The following RBPMS variants were observed in gnomAD, a reference collection of about 807,000 sequenced individuals.
RBPMS encodes RNA-binding protein with multiple splicing.
RBPMS carries 7 observed loss-of-function variants against 26.8 expected under a neutral mutation model. The observed-to-expected ratio is 0.26, with a 90% CI of 0.15 to 0.49. The LOEUF is 0.49. Ranked by LOEUF, RBPMS falls within the 20% of genes least tolerant of loss-of-function variation. The pLI, the probability that RBPMS is intolerant of heterozygous loss-of-function variation, is 0.98. For synonymous variants in RBPMS, 96 were observed against 93.3 expected (o/e 1.03, Z -0.17); for missense variants, 186 against 250.0 (o/e 0.74, Z 1.73).
chr8:30,448,072 C>T (rs990472242), intron 1 of RBPMS, among the ~76,000 whole-genome samples: 2 of 152,272 alleles, frequency 1.3e-5, no homozygotes, highest in Non-Finnish European at 2.9e-5. Flanking sequence ...GACTCTGACA[C>T]GGAAAGCAAA....
intron 6 of RBPMS, chr8:30,545,188 A>G (rs1347094984): frequency 2.3e-6 from 3 of 1,294,972 alleles, no homozygotes; most frequent in Non-Finnish European, 3.0e-6. Context: ...AAGGAGATAC[A>G]AGATAGTGTC....
intron 1 of RBPMS, among the ~76,000 whole-genome samples, chr8:30,428,963 T>C (rs568753612): frequency 2.6e-5 from 4 of 152,262 alleles, no homozygotes; most frequent in Non-Finnish European, 5.9e-5. Flanking sequence ...TGGGAATCCA[T>C]GAGAAACAAT....
intron 1 of RBPMS, among the ~76,000 whole-genome samples, chr8:30,472,841 C>A (rs1275393248): frequency 6.6e-6 from 1 of 152,032 alleles, no homozygotes; most frequent in African/African-American, 2.4e-5. Context: ...TGTGGGAGGC[C>A]GAGATGGGAG....
intron 4 of RBPMS, among the ~76,000 whole-genome samples, chr8:30,484,976 A>G (rs1200162902): frequency 2.0e-5 from 3 of 152,222 alleles, no homozygotes; most frequent in African/African-American, 7.2e-5. Flanking sequence ...AGATGGAGGT[A>G]TTATTTACTT....
At chr8:30,514,524 A>G (rs1257683549) in intron 5 of RBPMS, among the ~76,000 whole-genome samples, 4 of 151,964 alleles carry the variant, frequency 2.6e-5, no homozygotes, top group Admixed American at 1.3e-4. Context: ...CAGTTTCCCA[A>G]CAGATTGGTG....
rs570757747 is a variant in RBPMS at position 30,555,934 on chromosome 8, T to TCTGCTGTGCACCATGAGCC, written c.529-2948_529-2930dup. On this transcript the variant is annotated intron_variant, in intron 6 of 8. Coordinates refer to ENST00000397323, the MANE Select transcript of RBPMS (RefSeq NM_001008710.3). ...CCCCCACCGGGCCGGCTGCCCGAAC[T>TCTGCTGTGCACCATGAGCC]CTGCTGTGCACCATGAGCCCTGCCG... is the stretch of plus-strand genomic sequence containing the variant. 8.0e-4 allele frequency: 785 copies of TCTGCTGTGCACCATGAGCC among 985,432 alleles called. 7 individuals carry two copies. In the South Asian group the frequency reaches 0.01, roughly 13 times the overall value. The allele number at this position is 985,432 out of a possible 1,614,324, so 61.0% of individuals were successfully genotyped here. A position where few individuals can be genotyped will look rare whatever the true frequency, so the allele number is the denominator to read the frequency against.
intron 7 of RBPMS, chr8:30,565,454 C>G (rs1194707588): frequency 6.6e-6 from 1 of 152,212 alleles, no homozygotes; most frequent in African/African-American, 2.4e-5. Context: ...GGAGGGAGAT[C>G]TGAGAAATGT....
intron 5 of RBPMS, among the ~76,000 whole-genome samples, chr8:30,529,175 C>T (rs1220752967): frequency 2.6e-5 from 4 of 151,560 alleles, no homozygotes; most frequent in Non-Finnish European, 5.9e-5. Flanking sequence ...GCCAAGATTG[C>T]GCCACTGCAT....
chr8:30,443,205 C>T (rs572507983), intron 1 of RBPMS, among the ~76,000 whole-genome samples: 4 of 151,956 alleles, frequency 2.6e-5, no homozygotes, highest in Admixed American at 2.6e-4. Context: ...ATCCGTTGGC[C>T]CAAAGTCAAT....
intron 6 of RBPMS, among the ~76,000 whole-genome samples, chr8:30,548,192 T>G (rs1782893731): frequency 6.6e-6 from 1 of 152,186 alleles, no homozygotes; most frequent in South Asian, 2.1e-4. Flanking sequence ...AGAGGAAACT[T>G]TCATCTGTTG....
intron 1 of RBPMS, among the ~76,000 whole-genome samples, chr8:30,392,483 T>C (rs1024173439): frequency 2.0e-5 from 3 of 152,114 alleles, no homozygotes; most frequent in Admixed American, 1.3e-4. Context: ...CATTAGGGAA[T>C]TGGACTTTGT....
intron 1 of RBPMS, among the ~76,000 whole-genome samples, chr8:30,389,422 G>A (rs951789013): frequency 1.3e-5 from 2 of 152,270 alleles, no homozygotes; most frequent in South Asian, 2.1e-4. Context: ...GATTTTCGTA[G>A]GTTCATGTTA....
chr8:30,453,108 T>C (rs1336845015), intron 1 of RBPMS, among the ~76,000 whole-genome samples: 1 of 152,206 alleles, frequency 6.6e-6, no homozygotes, highest in Non-Finnish European at 1.5e-5. Flanking sequence ...TTTAGAGTCC[T>C]TGTTAACGAG....
Position 30,571,866 on chromosome 8 carries a change from C to T in RBPMS, c.*1341C>T, listed in dbSNP as rs1828265028. The stretch of plus-strand genomic sequence containing the variant: ...CACTGACCTAAATTCAGCTGCCAAA[C>T]ACAGTCTTTCCTATTGATCCGCTCG... On this transcript the variant is annotated 3_prime_UTR_variant, in exon 9 of 9. Coordinates refer to ENST00000397323, the MANE Select transcript of RBPMS (RefSeq NM_001008710.3). The T allele has an allele frequency of 6.6e-6, 1 of 152,134 alleles. No individual in the cohort carries two copies. Among genetic ancestry groups the T allele is most frequent in the Admixed American group, 6.5e-5 (1 of 15,276 alleles). 9.4% of individuals were successfully genotyped at this position (152,134 alleles called of 1,614,324 possible). A position where few individuals can be genotyped will look rare whatever the true frequency, so the allele number is the denominator to read the frequency against.
intron 1 of RBPMS, among the ~76,000 whole-genome samples, chr8:30,474,354 G>A (rs1433845537): frequency 1.3e-5 from 2 of 152,138 alleles, no homozygotes; most frequent in Non-Finnish European, 2.9e-5. Context: ...GGGCAGAGGA[G>A]TGGCAGATTT....
intron 1 of RBPMS, among the ~76,000 whole-genome samples, chr8:30,473,538 A>AT (rs1271657841): frequency 1.3e-5 from 2 of 152,272 alleles, no homozygotes; most frequent in African/African-American, 4.8e-5. Context: ...CAGTATGGCG[A>AT]TTCCTCAAAG....
intron 5 of RBPMS, among the ~76,000 whole-genome samples, chr8:30,536,189 A>G (rs1824780421): frequency 1.4e-5 from 2 of 146,014 alleles, no homozygotes; most frequent in Non-Finnish European, 3.0e-5. Context: ...GTGCAATGGC[A>G]CGATCTCGGC....
At chr8:30,436,883 G>C (rs1220574994) in intron 1 of RBPMS, among the ~76,000 whole-genome samples, 1 of 151,452 alleles carries the variant, frequency 6.6e-6, no homozygotes, top group African/African-American at 2.4e-5. Context: ...AATAAATATT[G>C]AACCTTTACG....
At chr8:30,533,178 T>C (rs1824414695) in intron 5 of RBPMS, among the ~76,000 whole-genome samples, 1 of 152,218 alleles carries the variant, frequency 6.6e-6, no homozygotes, top group Non-Finnish European at 1.5e-5. Context: ...TATTCATCCA[T>C]TTTGTGGCCT....
Sources: gnomAD v4.1 joint callset for allele counts (sites outside exome capture counted in the v4.1 genomes callset) on GRCh38, gnomAD v4.1.1 for gene constraint, MANE v1.5 for transcripts, NCBI Gene and HGNC (gene_info 2026-07-23, HGNC 2026-07-21) for gene names.